The following HPSE2 variants were observed in gnomAD, a reference collection of about 807,000 sequenced individuals.
HPSE2 encodes the protein inactive heparanase-2.
In HPSE2, 38 loss-of-function variants were observed where a neutral mutation model predicts 60.5. The ratio of observed to expected loss-of-function variants is 0.63; its 90% confidence interval spans 0.48 to 0.82. The LOEUF is 0.82. Among genes scored for constraint, HPSE2 ranks in the 40% least tolerant of loss-of-function variants. The pLI, the probability that HPSE2 is intolerant of heterozygous loss-of-function variation, is 0.00. For missense variants in HPSE2, 713 were observed against 740.4 expected (o/e 0.96, Z 0.43); for synonymous variants, 295 against 293.2 (o/e 1.01, Z -0.06).
chr10:98,820,391 C>A (rs1951397752), intron 3 of HPSE2, among the ~76,000 whole-genome samples: 1 of 152,154 alleles, frequency 6.6e-6, no homozygotes, highest in Admixed American at 6.5e-5. Context: ...TCTCTTGGAT[C>A]CTGACAGACT....
chr10:98,947,789 A>C (rs1955231465), intron 3 of HPSE2, among the ~76,000 whole-genome samples: 1 of 152,180 alleles, frequency 6.6e-6, no homozygotes, highest in Non-Finnish European at 1.5e-5. Flanking sequence ...CCCACCTTTT[A>C]GTTGTACAAT....
chr10:99,090,379 A>T (rs1843471104), intron 3 of HPSE2, among the ~76,000 whole-genome samples: 2 of 152,128 alleles, frequency 1.3e-5, no homozygotes, highest in South Asian at 4.1e-4. Flanking sequence ...TCCATCCCCA[A>T]TAAATATGTT....
chr10:99,305,956 C>T, the HPSE2 span, among the ~76,000 whole-genome samples: 3 of 43,304 alleles, frequency 6.9e-5, no homozygotes, highest in African/African-American at 2.0e-4. Flanking sequence ...TCCAAACTCA[C>T]ACACACGCGC....
intron 4 of HPSE2, among the ~76,000 whole-genome samples, chr10:98,736,115 A>G (rs980578334): frequency 6.6e-6 from 1 of 152,052 alleles, no homozygotes; most frequent in Non-Finnish European, 1.5e-5. Flanking sequence ...GTGGGAGATA[A>G]TTGAATCATG....
the HPSE2 span, among the ~76,000 whole-genome samples, chr10:99,291,253 T>C: frequency 6.6e-6 from 1 of 152,118 alleles, no homozygotes; most frequent in Non-Finnish European, 1.5e-5. Context: ...TGGTCTTCAT[T>C]TGCTTCTCAC....
chr10:99,210,223 G>A (rs1848911145), intron 2 of HPSE2, among the ~76,000 whole-genome samples: 1 of 152,098 alleles, frequency 6.6e-6, no homozygotes, highest in Non-Finnish European at 1.5e-5. Flanking sequence ...ACTGAATCGT[G>A]AAGAAATAAA....
At position 98,826,878 on chromosome 10, in the gene HPSE2, C is replaced by T. The variant is rs553234367; in HGVS notation, c.611-82822G>A. 7.9e-5 allele frequency among the ~76,000 whole-genome samples: 12 copies of T among 152,214 alleles called. No homozygotes were observed. The South Asian group carries it at 1.7e-3, about 21-fold the overall frequency. Reference sequence around the variant, plus strand: ...TGAACACTTATCAGGCAAGGCATGGCGGCTCACACTTACAATCCCAGCACT... The same window carrying T: ...TGAACACTTATCAGGCAAGGCATGGTGGCTCACACTTACAATCCCAGCACT... On this transcript the variant is annotated intron_variant, in intron 3 of 11. Coordinates refer to ENST00000370552, the MANE Select transcript of HPSE2 (RefSeq NM_021828.5).
At chr10:98,658,055 C>A (rs1947122935) in intron 6 of HPSE2, among the ~76,000 whole-genome samples, 1 of 152,088 alleles carries the variant, frequency 6.6e-6, no homozygotes, top group South Asian at 2.1e-4. Flanking sequence ...GACTTCACTG[C>A]AGGGCACATT....
Position 98,721,749 on chromosome 10 carries a change from G to C in HPSE2, c.864C>G (p.Ser288Arg). The C allele has an allele frequency of 6.2e-7, 1 of 1,613,526 alleles. No individual in the cohort carries two copies. The highest frequency in any genetic ancestry group is 8.5e-7 in the Non-Finnish European group (1 of 1,179,810). Residue 288 changes from serine to arginine, a missense_variant, in exon 5 of 12, where the codon AGC (serine) becomes AGG (arginine). Ser to Arg is a moderately radical substitution (Grantham distance 110). Transcript: ENST00000370552. ...AATAAATCCGGATGGGCTGCAACAGGCTCTTCAGCTGGATGTAATCCTTTC... is the reference window on the plus strand; with the variant it reads ...AATAAATCCGGATGGGCTGCAACAGCCTCTTCAGCTGGATGTAATCCTTTC... Reference protein sequence around the residue: ...QLGKDYIQLKSLLQPIRIYSR... With the variant: ...QLGKDYIQLKRLLQPIRIYSR...
At chr10:98,704,528 A>G (rs1948495625) in intron 5 of HPSE2, among the ~76,000 whole-genome samples, 1 of 152,226 alleles carries the variant, frequency 6.6e-6, no homozygotes, top group Non-Finnish European at 1.5e-5. Flanking sequence ...AGGCTACAGT[A>G]TTTAAAACAG....
intron 9 of HPSE2, among the ~76,000 whole-genome samples, chr10:98,541,730 T>A (rs1226059024): frequency 1.3e-5 from 2 of 152,178 alleles, no homozygotes; most frequent in East Asian, 3.9e-4. Flanking sequence ...CACAGCAGTC[T>A]GAGATCAAAC....
chr10:99,039,335 A>G (rs1957682038), intron 3 of HPSE2, among the ~76,000 whole-genome samples: 1 of 152,062 alleles, frequency 6.6e-6, no homozygotes, highest in Non-Finnish European at 1.5e-5. Flanking sequence ...ACTCCTTGCT[A>G]CCACTTATCT....
intron 3 of HPSE2, among the ~76,000 whole-genome samples, chr10:98,867,272 A>G (rs1952611290): frequency 6.6e-6 from 1 of 151,946 alleles, no homozygotes; most frequent in Admixed American, 6.6e-5. Context: ...AGAATATATA[A>G]GGAACTCAAA....
At chr10:98,754,452 G>A (rs1444219458) in intron 3 of HPSE2, among the ~76,000 whole-genome samples, 2 of 151,870 alleles carry the variant, frequency 1.3e-5, no homozygotes, top group African/African-American at 4.8e-5. Flanking sequence ...TTTTTTCCAT[G>A]AAAAATTCCC....
chr10:99,261,332 A>G, the HPSE2 span, among the ~76,000 whole-genome samples: 1,055 of 149,244 alleles, frequency 7.1e-3, 12 homozygotes, highest in African/African-American at 0.025. Flanking sequence ...TCCTTCTATC[A>G]CCTCCCCTCC....
intron 3 of HPSE2, among the ~76,000 whole-genome samples, chr10:99,142,714 G>A (rs1004613800): frequency 1.3e-4 from 20 of 152,178 alleles, no homozygotes; most frequent in African/African-American, 4.6e-4. Context: ...AAGGGATTAT[G>A]TTACTGAGAA....
chr10:98,532,944 C>T (rs1490792434), intron 9 of HPSE2, among the ~76,000 whole-genome samples: 1 of 152,138 alleles, frequency 6.6e-6, no homozygotes, highest in East Asian at 1.9e-4. Context: ...TGGGCCTGAG[C>T]CTATTTCCAT....
intron 3 of HPSE2, among the ~76,000 whole-genome samples, chr10:99,135,325 C>T (rs551712642): frequency 6.6e-6 from 1 of 152,164 alleles, no homozygotes; most frequent in African/African-American, 2.4e-5. Context: ...CAAAGATATT[C>T]AGGACTTGAA....
intron 2 of HPSE2, among the ~76,000 whole-genome samples, chr10:99,224,122 G>A (rs946364935): frequency 6.6e-6 from 1 of 151,932 alleles, no homozygotes; most frequent in Non-Finnish European, 1.5e-5. Context: ...CACTAAGTCT[G>A]GCTTATATAC....
Sources: allele counts gnomAD v4.1 joint callset (sites outside exome capture counted in the v4.1 genomes callset), GRCh38; gene constraint gnomAD v4.1.1; transcripts MANE v1.5; gene names NCBI Gene and HGNC (gene_info 2026-07-23, HGNC 2026-07-21).